EWSR1: variants seen among roughly 807,000 people sequenced by gnomAD.
EWSR1 encodes EWS RNA binding protein 1.
A neutral mutation model predicts 92.1 loss-of-function variants in EWSR1; 14 were observed. That is an observed-to-expected ratio of 0.15 (90% CI 0.10 to 0.24). The LOEUF (loss-of-function observed/expected upper bound fraction) is 0.24. Ranked by LOEUF, EWSR1 falls within the 10% of genes least tolerant of loss-of-function variation. The probability of loss-of-function intolerance (pLI) is 1.00; values close to 1 mark genes in which losing one functional copy is unlikely to be tolerated. For missense variants in EWSR1, 637 were observed against 870.9 expected (o/e 0.73, Z 3.38); for synonymous variants, 303 against 292.9 (o/e 1.03, Z -0.35).
intron 10 of EWSR1, 129 bp from the exon 11 acceptor site, chr22:29,292,359 C>A: frequency 1.1e-6 from 1 of 914,820 alleles, no homozygotes; most frequent in Non-Finnish European, 1.8e-6. Context: ...AGTTTGATAG[C>A]ATTCTTCTTA....
intron 5 of EWSR1, among the ~76,000 whole-genome samples, chr22:29,280,673 G>A (rs539023249): frequency 6.4e-4 from 95 of 147,560 alleles, no homozygotes; most frequent in Middle Eastern, 3.6e-3. Flanking sequence ...TGGTTTGGTT[G>A]GTTTTTTTTT....
Position 29,270,216 on chromosome 22 carries a change from A to G in EWSR1, c.13+1867A>G, listed in dbSNP as rs187993205. On this transcript the variant is annotated intron_variant, in intron 1 of 16. Coordinates refer to ENST00000397938, the MANE Select transcript of EWSR1 (RefSeq NM_005243.4). ...AACCGTTGCCTTGGGTTAATAATAGAAGTTTTCTCTCCTCGTATGTTATCT... is the reference window on the plus strand; with the variant it reads ...AACCGTTGCCTTGGGTTAATAATAGGAGTTTTCTCTCCTCGTATGTTATCT... 1.3e-4 allele frequency among the ~76,000 whole-genome samples: 20 copies of G among 152,314 alleles called. No individual in the cohort carries two copies. The East Asian group carries it at 3.9e-3, about 29-fold the overall frequency.
intron 5 of EWSR1, among the ~76,000 whole-genome samples, chr22:29,279,592 A>G (rs377184262): frequency 2.0e-5 from 3 of 152,248 alleles, no homozygotes; most frequent in African/African-American, 7.2e-5. Flanking sequence ...TTGTGTATAC[A>G]GTCTTGAAAG....
intron 5 of EWSR1, among the ~76,000 whole-genome samples, chr22:29,279,451 A>G (rs2059392108): frequency 6.6e-6 from 1 of 152,220 alleles, no homozygotes; most frequent in Non-Finnish European, 1.5e-5. Context: ...AGGCAAATAA[A>G]AATTCTTAAC....
At chr22:29,284,200 C>T (rs904692104) in intron 6 of EWSR1, among the ~76,000 whole-genome samples, 2 of 151,290 alleles carry the variant, frequency 1.3e-5, no homozygotes, top group South Asian at 2.1e-4. Flanking sequence ...GAACTCCTGG[C>T]CTCAAGTGAT....
intron 5 of EWSR1, among the ~76,000 whole-genome samples, chr22:29,281,042 G>T (rs1321618345): frequency 6.6e-6 from 1 of 151,784 alleles, no homozygotes; most frequent in Non-Finnish European, 1.5e-5. Context: ...ATGATGCCTG[G>T]CTAATTTTTT....
At chr22:29,272,895 G>A (rs1295364106) in intron 3 of EWSR1, among the ~76,000 whole-genome samples, 1 of 152,194 alleles carries the variant, frequency 6.6e-6, no homozygotes, top group Admixed American at 6.5e-5. Flanking sequence ...CCAGTGAAGA[G>A]TCTGTTGAAA....
rs1257037706 is a variant in EWSR1 at position 29,300,109 on chromosome 22, C to T, written c.1932-13C>T. On this transcript the variant is annotated splice_polypyrimidine_tract_variant and intron_variant, in intron 16 of 16. Transcript: ENST00000397938. ...CTTCCCATTCTAACCGAAGGGCCCTCTTTACCTTGCAGAGGCGAGCACCGT... is the reference window on the plus strand; with the variant it reads ...CTTCCCATTCTAACCGAAGGGCCCTTTTTACCTTGCAGAGGCGAGCACCGT... 6.2e-7 allele frequency: 1 copy of T among 1,600,498 alleles called. No individual in the cohort carries two copies. Among genetic ancestry groups the T allele is most frequent in the Non-Finnish European group, 8.5e-7 (1 of 1,177,394 alleles).
Position 29,282,569 on chromosome 22 carries a change from T to C in EWSR1, c.581+12T>C. On this transcript the variant is annotated intron_variant, in intron 6 of 16. Coordinates refer to ENST00000397938, the MANE Select transcript of EWSR1 (RefSeq NM_005243.4). ...TACCCTCCTACCAGGTCAGTCTACTTTTTGTGGCAAAACAAAAACAGTGAC... is the reference window on the plus strand; with the variant it reads ...TACCCTCCTACCAGGTCAGTCTACTCTTTGTGGCAAAACAAAAACAGTGAC... 6.7e-7 allele frequency: 1 copy of C among 1,497,220 alleles called. No individual in the cohort carries two copies. Among genetic ancestry groups the C allele is most frequent in the Non-Finnish European group, 8.9e-7 (1 of 1,127,732 alleles). The allele number at this position is 1,497,220 out of a possible 1,614,324, so 92.7% of individuals were successfully genotyped here.
chr22:29,271,309 A>T lies in EWSR1; in HGVS notation c.14-907A>T, dbSNP rs1431784248. 2.6e-5 allele frequency among the ~76,000 whole-genome samples: 4 copies of T among 152,350 alleles called. No homozygotes were observed. In the East Asian group the frequency reaches 7.7e-4, roughly 29 times the overall value. ...AACTAAATTTATCTAACTTTAATGC[A>T]GTAGCGCTCTGAAAACTATTTTCCG... On this transcript the variant is annotated intron_variant, in intron 1 of 16. Transcript: ENST00000397938.
chr22:29,297,695 C>T (rs1314326488), intron 12 of EWSR1, 132 bp from the exon 13 acceptor site: 33 of 1,287,020 alleles, frequency 2.6e-5, no homozygotes, highest in Non-Finnish European at 3.5e-5. Flanking sequence ...CTTTTTCTGG[C>T]CTTGTCATTA....
At chr22:29,277,861 TTAGGC>T (rs1336341517) in intron 4 of EWSR1, 164 bp from the exon 5 acceptor site, 3 of 602,330 alleles carry the variant, frequency 5.0e-6, no homozygotes, top group Non-Finnish European at 8.7e-6. Flanking sequence ...TTCAGAGAAC[TTAGGC>T]TTTAAATACC....
At chr22:29,272,057 T>G (rs999531801) in intron 1 of EWSR1, among the ~76,000 whole-genome samples, 159 bp from the exon 2 acceptor site, 1 of 152,168 alleles carries the variant, frequency 6.6e-6, no homozygotes, top group Non-Finnish European at 1.5e-5. Context: ...TTTTTTTCTG[T>G]TAGATGTTGA....
chr22:29,274,146 G>T, intron 4 of EWSR1: 1 of 1,119,270 alleles, frequency 8.9e-7, no homozygotes, highest in Non-Finnish European at 1.4e-6. Flanking sequence ...TTTTGCTAAT[G>T]CTAATACTGA....
chr22:29,298,053 A>G (rs1348062956), intron 13 of EWSR1, 104 bp downstream of exon 13: 2 of 1,237,978 alleles, frequency 1.6e-6, no homozygotes, highest in East Asian at 2.4e-5. Flanking sequence ...TTGTGTGTAG[A>G]GTCAATACTA....
chr22:29,280,109 G>A (rs2059444885), intron 5 of EWSR1, among the ~76,000 whole-genome samples: 1 of 152,142 alleles, frequency 6.6e-6, no homozygotes, highest in Non-Finnish European at 1.5e-5. Flanking sequence ...TTGAGATGGA[G>A]TGTTGCTCTG....
chr22:29,269,136 G>A (rs1414538314), intron 1 of EWSR1: 3 of 152,224 alleles, frequency 2.0e-5, no homozygotes, highest in African/African-American at 7.2e-5. Context: ...GTATAATAAG[G>A]CCAGCCTGGG....
chr22:29,290,633 G>A, intron 8 of EWSR1: 1 of 1,446,118 alleles, frequency 6.9e-7, no homozygotes, highest in Non-Finnish European at 9.1e-7. Context: ...ACCAGAGGAG[G>A]TATAATACTC....
intron 5 of EWSR1, among the ~76,000 whole-genome samples, chr22:29,279,134 T>A (rs112026950): frequency 1.9e-3 from 286 of 150,640 alleles, no homozygotes; most frequent in African/African-American, 4.3e-3. Flanking sequence ...AGAGAGAGAG[T>A]GTGTGTGTGT....
Sources: allele counts gnomAD v4.1 joint callset (sites outside exome capture counted in the v4.1 genomes callset), GRCh38; gene constraint gnomAD v4.1.1; transcripts MANE v1.5; gene names NCBI Gene and HGNC (gene_info 2026-07-23, HGNC 2026-07-21).